The following EN2 variants were observed in gnomAD, a reference collection of about 807,000 sequenced individuals.
The protein encoded by EN2 is engrailed homeobox 2.
A neutral mutation model predicts 25.0 loss-of-function variants in EN2; 7 were observed. That is an observed-to-expected ratio of 0.28 (90% confidence interval 0.16 to 0.53). The LOEUF (loss-of-function observed/expected upper bound fraction) is 0.53. EN2 is among the 20% of genes least tolerant of loss of function. The pLI, the probability that EN2 is intolerant of heterozygous loss-of-function variation, is 0.96. For synonymous variants in EN2, 277 were observed against 243.3 expected (o/e 1.14, Z -1.29); for missense variants, 524 against 501.8 (o/e 1.04, Z -0.42).
In EN2 at chr7:155,460,330, C is replaced by T. The variant is rs574743204; in HGVS notation, c.685+1268C>T. Among the ~76,000 whole-genome samples the T allele has an allele frequency of 1.8e-3, 271 of 152,310 alleles. 1 individual carries two copies. In the Middle Eastern group the frequency reaches 0.031, roughly 17 times the overall value. ...GGCAGCACCGCCCGGCCCGGCCTGGCCCGGCCCAGCTCAGCCCAGCCCAAG... is the reference window on the plus strand; with the variant it reads ...GGCAGCACCGCCCGGCCCGGCCTGGTCCGGCCCAGCTCAGCCCAGCCCAAG... On this transcript the variant is annotated intron_variant, in intron 1 of 1. Transcript: ENST00000297375.
Position 155,462,731 on chromosome 7 carries a change from G to A in EN2, c.*44G>A. ...CAGGTCTCAGTCCGCGCTAAACAAT[G>A]CAATAATTTAAAATCATAAAGGGCC... On this transcript the variant is annotated 3_prime_UTR_variant, in exon 2 of 2. Transcript: ENST00000297375. The A allele has an allele frequency of 6.6e-7, 1 of 1,510,420 alleles. No homozygotes were observed. Among genetic ancestry groups the A allele is most frequent in the Non-Finnish European group, 8.9e-7 (1 of 1,124,756 alleles). 93.6% of individuals were successfully genotyped at this position (1,510,420 alleles called of 1,614,324 possible).
At chr7:155,460,576 T>C (rs1795683382) in intron 1 of EN2, among the ~76,000 whole-genome samples, 1 of 152,200 alleles carries the variant, frequency 6.6e-6, no homozygotes, top group South Asian at 2.1e-4. Context: ...GCGGGCTGCT[T>C]CATGAGTGCA....
rs1486454685 is a variant in EN2 at position 155,462,427 on chromosome 7, C to T, written c.742C>T (p.Arg248Cys). 2.5e-6 allele frequency: 4 copies of T among 1,614,040 alleles called. No homozygotes were observed. The highest frequency in any genetic ancestry group is 3.4e-6 in the Non-Finnish European group (4 of 1,180,026). ...CCCGAACAAAGAGGACAAGCGGCCG[C>T]GCACGGCCTTTACCGCCGAGCAGCT... ...KNPNKEDKRP[R>C]TAFTAEQLQR... Residue 248 changes from arginine (R) to cysteine (C), a missense_variant, in exon 2 of 2, where the codon CGC becomes TGC. Transcript: ENST00000297375.
rs947663541 is a variant in EN2 at position 155,458,927 on chromosome 7, C to G, written c.550C>G (p.Arg184Gly). The G allele has an allele frequency of 1.6e-5, 25 of 1,516,692 alleles. No homozygotes were observed. The highest frequency in any genetic ancestry group is 2.0e-5 in the Non-Finnish European group (23 of 1,139,620). 94.0% of individuals were successfully genotyped at this position (1,516,692 alleles called of 1,614,324 possible). ...GGPLDGSLKA[R>G]GLGGGDLSVS... The stretch of plus-strand genomic sequence containing the variant: ...CCCCCTGGACGGGTCGCTCAAGGCC[C>G]GCGGCTTGGGCGGCGGCGACCTGTC... Residue 184 changes from arginine to glycine, a missense_variant, in exon 1 of 2, where the codon CGC becomes GGC. Physicochemically the swap from Arg to Gly is moderately radical, Grantham distance 125. Transcript: ENST00000297375.
intron 1 of EN2, 143 bp downstream of exon 1, chr7:155,459,205 G>A: frequency 3.0e-6 from 3 of 997,672 alleles, no homozygotes; most frequent in Middle Eastern, 3.2e-4. Flanking sequence ...GCGACATTGT[G>A]TGAAGCTGAC....
chr7:155,459,200 A>G, intron 1 of EN2, 138 bp downstream of exon 1: 2 of 1,021,440 alleles, frequency 2.0e-6, no homozygotes, highest in Non-Finnish European at 2.7e-6. Context: ...CTCACGCGAC[A>G]TTGTGTGAAG....
chr7:155,462,256 G>T (rs1327012313), intron 1 of EN2, 115 bp from the exon 2 acceptor site: 3 of 1,208,266 alleles, frequency 2.5e-6, no homozygotes, highest in Admixed American at 2.3e-5. Context: ...GTTCAGCCTC[G>T]AGTGGCCTTG....
rs751147295 is a variant in EN2 at position 155,458,549 on chromosome 7, G to A, written c.172G>A (p.Gly58Ser). Residue 58 changes from glycine to serine, a missense_variant, in exon 1 of 2, where the codon GGC becomes AGC. Transcript: ENST00000297375. ...GCTGCCCGCGGTCCTGCAGGCGCCCGGCAACCACCAGCACCCGCACCGCAT... is the reference window on the plus strand; with the variant it reads ...GCTGCCCGCGGTCCTGCAGGCGCCCAGCAACCACCAGCACCCGCACCGCAT... ...LMLPAVLQAP[G>S]NHQHPHRITN... is the part of the protein sequence containing the mutation. The A allele has an allele frequency of 5.0e-5, 71 of 1,416,018 alleles. No individual in the cohort carries two copies. The highest frequency in any genetic ancestry group is 5.8e-5 in the Non-Finnish European group (63 of 1,080,078). The allele number at this position is 1,416,018 out of a possible 1,614,324, so 87.7% of individuals were successfully genotyped here. A position where few individuals can be genotyped will look rare whatever the true frequency, so the allele number is the denominator to read the frequency against.
intron 1 of EN2, among the ~76,000 whole-genome samples, chr7:155,460,892 T>C (rs999316057): frequency 5.3e-5 from 8 of 152,206 alleles, no homozygotes; most frequent in African/African-American, 1.9e-4. Context: ...TGAGCCTGCC[T>C]ATGGGTTGCT....
Position 155,458,560 on chromosome 7 carries a change from G to T in EN2, c.183G>T (p.Gln61His), listed in dbSNP as rs1406067770. 2 of 1,457,706 alleles carry T rather than the reference G, an allele frequency of 1.4e-6. No individual in the cohort carries two copies. Among genetic ancestry groups the T allele is most frequent in the Non-Finnish European group, 1.8e-6 (2 of 1,101,938 alleles). The allele number at this position is 1,457,706 out of a possible 1,614,324, so 90.3% of individuals were successfully genotyped here. ...PAVLQAPGNH[Q>H]HPHRITNFFI... ...TCCTGCAGGCGCCCGGCAACCACCA[G>T]CACCCGCACCGCATCACCAACTTCT... is the stretch of plus-strand genomic sequence containing the variant. Residue 61 changes from glutamine (Q) to histidine (H), a missense_variant, in exon 1 of 2, where the codon CAG becomes CAT. Gln to His is a conservative substitution (Grantham distance 24, BLOSUM62 0). Coordinates refer to ENST00000297375, the MANE Select transcript of EN2 (RefSeq NM_001427.4).
rs1228631205 is a variant in EN2, at chr7:155,459,039, G to A, written c.662G>A (p.Arg221His). Residue 221 changes from arginine to histidine, a missense_variant, in exon 1 of 2, where the codon CGC becomes CAC. Arg to His is a conservative substitution (Grantham distance 29). Transcript: ENST00000297375. ...MLWPAWVYCT[R>H]YSDRPSSGPR... ...TGGCCGGCGTGGGTCTACTGTACGC[G>A]CTACTCGGACCGGCCTTCTTCAGGT... The A allele has an allele frequency of 1.3e-6, 2 of 1,581,546 alleles. No homozygotes were observed. The highest frequency in any genetic ancestry group is 1.7e-6 in the Non-Finnish European group (2 of 1,172,674).
Position 155,462,371 on chromosome 7 carries a change from G to A in EN2, c.686G>A (p.Gly229Asp). 1 of 1,607,946 alleles carries A rather than the reference G, an allele frequency of 6.2e-7. No homozygotes were observed. Among genetic ancestry groups the A allele is most frequent in the South Asian group, 1.1e-5 (1 of 90,284 alleles). The change falls in exon 2 of 2, where the codon GGT (glycine) becomes GAT (aspartate). Residue 229 changes from glycine to aspartate, a missense_variant and splice_region_variant. Gly to Asp is a moderately conservative substitution (Grantham distance 94). Transcript: ENST00000297375. ...CTRYSDRPSS[G>D]PRSRKPKKKN... ...CTCTCTGTCCACCGTATCTACCCAG[G>A]TCCCAGGTCTCGAAAACCAAAGAAG... is the stretch of plus-strand genomic sequence containing the variant.
At chr7:155,462,065 T>C (rs1430499654) in intron 1 of EN2, among the ~76,000 whole-genome samples, 2 of 152,180 alleles carry the variant, frequency 1.3e-5, no homozygotes, top group African/African-American at 2.4e-5. Flanking sequence ...CCAGAAAGTG[T>C]GGGGAGTTTT....
At position 155,458,891 on chromosome 7, in the gene EN2, G is replaced by C. The variant is rs1179827611; in HGVS notation, c.514G>C (p.Asp172His). Residue 172 changes from aspartate (D) to histidine (H), a missense_variant, in exon 1 of 2, where the codon GAC becomes CAC. Transcript: ENST00000297375. ...SLHGGAKKGG[D>H]PGGPLDGSLK... The stretch of plus-strand genomic sequence containing the variant: ...GCACGGTGGCGCCAAGAAAGGCGGC[G>C]ACCCCGGCGGCCCCCTGGACGGGTC... 6.7e-7 allele frequency: 1 copy of C among 1,495,926 alleles called. No individual in the cohort carries two copies. Among genetic ancestry groups the C allele is most frequent in the Non-Finnish European group, 8.8e-7 (1 of 1,130,690 alleles). 92.7% of individuals were successfully genotyped at this position (1,495,926 alleles called of 1,614,324 possible). A position where few individuals can be genotyped will look rare whatever the true frequency, so the allele number is the denominator to read the frequency against.
Position 155,458,486 on chromosome 7 carries a change from C to T in EN2, c.109C>T (p.Pro37Ser). ...CTCGGGCGGCGGCGGCGGTAGCAGCCCGGGCGAAGCGGACACCGGGCGCCG... is the reference window on the plus strand; with the variant it reads ...CTCGGGCGGCGGCGGCGGTAGCAGCTCGGGCGAAGCGGACACCGGGCGCCG... ...GGSGGGGGSS[P>S]GEADTGRRRA... is the part of the protein sequence containing the mutation. Residue 37 changes from proline (P) to serine (S), a missense_variant, in exon 1 of 2, where the codon CCG becomes TCG. Physicochemically the swap from Pro to Ser is moderately conservative, Grantham distance 74. Coordinates refer to ENST00000297375, the MANE Select transcript of EN2 (RefSeq NM_001427.4). The T allele has an allele frequency of 7.7e-7, 1 of 1,301,022 alleles. No individual in the cohort carries two copies. The highest frequency in any genetic ancestry group is 1.6e-5 in the African/African-American group (1 of 64,220). The allele number at this position is 1,301,022 out of a possible 1,614,324, so 80.6% of individuals were successfully genotyped here. A position where few individuals can be genotyped will look rare whatever the true frequency, so the allele number is the denominator to read the frequency against.
chr7:155,458,668 C>A lies in EN2; in HGVS notation c.291C>A (p.Gly97=), dbSNP rs1795657189. 5.1e-6 allele frequency: 7 copies of A among 1,359,918 alleles called. No individual in the cohort carries two copies. Among genetic ancestry groups the A allele is most frequent in the Non-Finnish European group, 5.7e-6 (6 of 1,060,882 alleles). 84.2% of individuals were successfully genotyped at this position (1,359,918 alleles called of 1,614,324 possible). A position where few individuals can be genotyped will look rare whatever the true frequency, so the allele number is the denominator to read the frequency against. Residue 97 remains glycine (G), a synonymous_variant, in exon 1 of 2, where the codon GGC becomes GGA. Coordinates refer to ENST00000297375, the MANE Select transcript of EN2 (RefSeq NM_001427.4). The part of the protein sequence containing the change: ...TCCAGAGGGR[G]GGAGGEGGAS... ...GTGCGGGCGCGGGAGGAGGAAGGGG[C>A]GGCGGAGCCGGCGGCGAAGGCGGCG...
At position 155,458,241 on chromosome 7, in the gene EN2, G is replaced by A; in HGVS notation, c.-137G>A. The stretch of plus-strand genomic sequence containing the variant: ...GGCGACTTGTAGGACCTCAGCCCTG[G>A]CCGCGGCCGCCGCGCACGCCCTCGG... On this transcript the variant is annotated 5_prime_UTR_variant, in exon 1 of 2. Coordinates refer to ENST00000297375, the MANE Select transcript of EN2 (RefSeq NM_001427.4). 8.5e-7 allele frequency: 1 copy of A among 1,178,042 alleles called. No homozygotes were observed. The highest frequency in any genetic ancestry group is 1.1e-6 in the Non-Finnish European group (1 of 928,702). The allele number at this position is 1,178,042 out of a possible 1,614,324, so 73.0% of individuals were successfully genotyped here.
intron 1 of EN2, among the ~76,000 whole-genome samples, chr7:155,460,042 C>A (rs1795677290): frequency 6.6e-6 from 1 of 152,238 alleles, no homozygotes; most frequent in African/African-American, 2.4e-5. Flanking sequence ...CCCAAACCCT[C>A]AACTATTTTG....
At chr7:155,461,064 G>A (rs1054704435) in intron 1 of EN2, among the ~76,000 whole-genome samples, 1 of 152,196 alleles carries the variant, frequency 6.6e-6, no homozygotes, top group Admixed American at 6.5e-5. Context: ...CACAGCCCCA[G>A]CACCCTAGTT....
Sources: gnomAD v4.1 joint callset for allele counts (sites outside exome capture counted in the v4.1 genomes callset) on GRCh38, gnomAD v4.1.1 for gene constraint, MANE v1.5 for transcripts, NCBI Gene and HGNC (gene_info 2026-07-23, HGNC 2026-07-21) for gene names.